Variants in PBX1 observed in about 807,000 individuals in gnomAD.
PBX1 encodes the protein pre-B-cell leukemia transcription factor 1.
PBX1 carries 6 observed loss-of-function variants against 53.4 expected under a neutral mutation model. That is an observed-to-expected ratio of 0.11 (90% CI 0.06 to 0.22). The LOEUF (loss-of-function observed/expected upper bound fraction) is 0.22, where lower values mean the gene tolerates loss of function less well. Ranked by LOEUF, PBX1 falls within the 10% of genes least tolerant of loss-of-function variation. The pLI is 1.00. For missense variants in PBX1, 251 were observed against 551.4 expected, an observed-to-expected ratio of 0.46 and a Z score of 5.46; for synonymous variants, 204 against 212.3, an observed-to-expected ratio of 0.96 and a Z score of 0.34.
chr1:164,882,535 C>G (rs1163746405), intron 2 of PBX1, among the ~76,000 whole-genome samples: 3 of 152,132 alleles, frequency 2.0e-5, no homozygotes. Flanking sequence ...ATTCTTAGGC[C>G]CTCAGTACCA....
chr1:164,837,983 A>G (rs1191163776), intron 8 of PBX1, among the ~76,000 whole-genome samples: 2 of 152,212 alleles, frequency 1.3e-5, no homozygotes, highest in Non-Finnish European at 2.9e-5. Flanking sequence ...GATTCATTAG[A>G]AAAGAATAAA....
At chr1:164,814,870 A>G (rs1002355649) in intron 6 of PBX1, 1 of 152,198 alleles carries the variant, frequency 6.6e-6, no homozygotes, top group Admixed American at 6.5e-5. Flanking sequence ...CTATTTATTG[A>G]TATGTTCCAT....
intron 2 of PBX1, chr1:164,684,806 A>G (rs1410739275): frequency 1.3e-5 from 2 of 152,166 alleles, no homozygotes; most frequent in Admixed American, 6.5e-5. Flanking sequence ...TGACGATAGC[A>G]CTTCTTTGTT....
intron 2 of PBX1, chr1:164,770,686 G>A (rs1667321746): frequency 6.6e-6 from 1 of 152,188 alleles, no homozygotes; most frequent in African/African-American, 2.4e-5. Context: ...ATTTCCTTGA[G>A]CAAAGTGCAT....
At chr1:164,774,738 C>T (rs1453686425) in intron 2 of PBX1, 3 of 152,204 alleles carry the variant, frequency 2.0e-5, no homozygotes, top group African/African-American at 7.2e-5. Context: ...TTTCTCTCCC[C>T]TCCACACTTG....
At chr1:164,615,804 G>T (rs1657239752) in intron 2 of PBX1, among the ~76,000 whole-genome samples, 1 of 152,244 alleles carries the variant, frequency 6.6e-6, no homozygotes, top group Admixed American at 6.5e-5. Flanking sequence ...GTCACAAGAG[G>T]GGAGGAGTGA....
At chr1:164,793,969 G>A (rs1668662295) in intron 3 of PBX1, among the ~76,000 whole-genome samples, 1 of 145,288 alleles carries the variant, frequency 6.9e-6, no homozygotes, top group Non-Finnish European at 1.5e-5. Flanking sequence ...CTGTGTCCCA[G>A]GTTCAAGCAA....
chr1:164,600,489 T>A (rs1283612155), intron 2 of PBX1, among the ~76,000 whole-genome samples: 1 of 152,282 alleles, frequency 6.6e-6, no homozygotes, highest in South Asian at 2.1e-4. Flanking sequence ...CCTCAGGTGA[T>A]CTACCCGCCT....
chr1:164,850,911 G>C lies in PBX1; in HGVS notation c.*4235G>C, dbSNP rs938527220. On this transcript the variant is annotated 3_prime_UTR_variant, in exon 9 of 9. Coordinates refer to ENST00000420696, the MANE Select transcript of PBX1 (RefSeq NM_002585.4). Reference sequence around the variant, plus strand: ...CTAATTAATAACTACATTCCATGAGGCCTCTTCCAACCAAAGAGGCCTTTT... The same window carrying C: ...CTAATTAATAACTACATTCCATGAGCCCTCTTCCAACCAAAGAGGCCTTTT... The C allele has an allele frequency of 3.3e-5, 7 of 212,888 alleles. No homozygotes were observed. Among genetic ancestry groups the C allele is most frequent in the Admixed American group, 1.2e-4 (2 of 17,072 alleles). 13.2% of individuals were successfully genotyped at this position (212,888 alleles called of 1,614,324 possible).
chr1:164,856,247 C>G (rs4581255), downstream of PBX1, among the ~76,000 whole-genome samples: 763 of 152,282 alleles, frequency 5.0e-3, 8 homozygotes, highest in African/African-American at 0.018. Context: ...ACTGGTGCTG[C>G]TTCAGTATTA....
chr1:164,690,332 C>T (rs527846207), intron 2 of PBX1, among the ~76,000 whole-genome samples: 6 of 152,234 alleles, frequency 3.9e-5, no homozygotes, highest in Non-Finnish European at 8.8e-5. Context: ...TCTGTGCTTG[C>T]ATTTGGAATT....
intron 2 of PBX1, among the ~76,000 whole-genome samples, chr1:164,636,878 A>T (rs1011096844): frequency 3.3e-5 from 5 of 152,066 alleles, no homozygotes; most frequent in African/African-American, 1.2e-4. Flanking sequence ...GTGTGTGTTT[A>T]TGTGTGATCA....
chr1:164,606,445 A>T (rs1656565365), intron 2 of PBX1, among the ~76,000 whole-genome samples: 1 of 152,088 alleles, frequency 6.6e-6, no homozygotes, highest in Admixed American at 6.5e-5. Context: ...AGCTACGAAA[A>T]TTGTTTGAAC....
At chr1:164,589,380 T>C (rs1311347115) in intron 2 of PBX1, among the ~76,000 whole-genome samples, 1 of 152,058 alleles carries the variant, frequency 6.6e-6, no homozygotes, top group Non-Finnish European at 1.5e-5. Context: ...GGGAAGAGTC[T>C]TCTCTTGACC....
intron 2 of PBX1, among the ~76,000 whole-genome samples, chr1:164,756,304 T>TC (rs2102209372): frequency 6.6e-6 from 1 of 152,312 alleles, no homozygotes; most frequent in Admixed American, 6.5e-5. Flanking sequence ...CTGATTTTTT[T>TC]TCCCCTTTAA....
At chr1:164,819,805 T>C (rs1670059857) in intron 6 of PBX1, 2 of 345,578 alleles carry the variant, frequency 5.8e-6, no homozygotes, top group South Asian at 1.2e-4. Context: ...GAATAAAGGT[T>C]CCCTTTCTTG....
At chr1:164,759,620 A>T (rs1353399971) in intron 2 of PBX1, among the ~76,000 whole-genome samples, 1 of 152,332 alleles carries the variant, frequency 6.6e-6, no homozygotes, top group South Asian at 2.1e-4. Flanking sequence ...AGAAAGTATC[A>T]TTCCAATTTG....
At chr1:164,863,344 C>T (rs1672141870) in intron 2 of PBX1, among the ~76,000 whole-genome samples, 1 of 152,150 alleles carries the variant, frequency 6.6e-6, no homozygotes, top group Non-Finnish European at 1.5e-5. Context: ...TTCTTAAAGT[C>T]CCTAGCTAGG....
chr1:164,678,789 ACT>A (rs1048841449), intron 2 of PBX1, among the ~76,000 whole-genome samples: 26 of 151,688 alleles, frequency 1.7e-4, no homozygotes, highest in African/African-American at 5.3e-4. Context: ...TTCACACGCC[ACT>A]CTCTCATCCT....
Sources: allele counts gnomAD v4.1 joint callset (sites outside exome capture counted in the v4.1 genomes callset), GRCh38; gene constraint gnomAD v4.1.1; transcripts MANE v1.5; gene names NCBI Gene and HGNC (gene_info 2026-07-23, HGNC 2026-07-21).